The following RNF220 variants were observed in gnomAD, a reference collection of about 807,000 sequenced individuals.
RNF220 encodes the protein E3 ubiquitin-protein ligase RNF220.
In RNF220, 7 loss-of-function variants were observed where a neutral mutation model predicts 67.1. The ratio of observed to expected loss-of-function variants is 0.10; its 90% CI spans 0.06 to 0.20. The LOEUF (loss-of-function observed/expected upper bound fraction) is 0.20, where lower values mean the gene tolerates loss of function less well. Ranked by LOEUF, RNF220 falls within the 10% of genes least tolerant of loss-of-function variation. The pLI, the probability that RNF220 is intolerant of heterozygous loss-of-function variation, is 1.00. For synonymous variants in RNF220, 270 were observed against 283.2 expected, an observed-to-expected ratio of 0.95 and a Z score of 0.47; for missense variants, 565 against 740.3, an observed-to-expected ratio of 0.76 and a Z score of 2.75.
At chr1:44,560,277 C>G (rs1663462928) in intron 2 of RNF220, among the ~76,000 whole-genome samples, 1 of 152,078 alleles carries the variant, frequency 6.6e-6, no homozygotes, top group South Asian at 2.1e-4. Flanking sequence ...CTCCCCAGTT[C>G]AGATGTTGGA....
At chr1:44,554,778 C>T (rs1172217521) in intron 2 of RNF220, among the ~76,000 whole-genome samples, 2 of 152,108 alleles carry the variant, frequency 1.3e-5, no homozygotes, top group African/African-American at 4.8e-5. Flanking sequence ...GGCAACGGCC[C>T]TCCCAGCTCA....
intron 2 of RNF220, among the ~76,000 whole-genome samples, chr1:44,459,349 C>G (rs990819579): frequency 6.6e-6 from 1 of 152,078 alleles, no homozygotes; most frequent in African/African-American, 2.4e-5. Context: ...ACTTCCTTTC[C>G]TACTGAGCCT....
chr1:44,554,843 T>C (rs1193220576), intron 2 of RNF220, among the ~76,000 whole-genome samples: 3 of 152,152 alleles, frequency 2.0e-5, no homozygotes, highest in African/African-American at 7.2e-5. Context: ...TTATCTCCAC[T>C]GCTTGGTTGT....
chr1:44,418,602 C>G (rs1648852976), intron 2 of RNF220, among the ~76,000 whole-genome samples: 1 of 146,898 alleles, frequency 6.8e-6, no homozygotes, highest in Non-Finnish European at 1.5e-5. Context: ...CGGTCAGCGG[C>G]CCCAGGTTGA....
chr1:44,634,347 G>A (rs1336531818), intron 6 of RNF220, among the ~76,000 whole-genome samples: 1 of 152,220 alleles, frequency 6.6e-6, no homozygotes, highest in African/African-American at 2.4e-5. Flanking sequence ...TGTTAAAATG[G>A]GATAATGCAA....
chr1:44,581,921 T>C (rs1283791425), intron 2 of RNF220, among the ~76,000 whole-genome samples: 2 of 152,218 alleles, frequency 1.3e-5, no homozygotes, highest in African/African-American at 4.8e-5. Context: ...GGACATTTTC[T>C]GTCAATGCTG....
intron 2 of RNF220, among the ~76,000 whole-genome samples, chr1:44,477,171 A>C (rs1313114159): frequency 2.0e-5 from 3 of 152,146 alleles, no homozygotes; most frequent in African/African-American, 4.8e-5. Flanking sequence ...CACTTAAAAA[A>C]TTCTTTCATT....
At chr1:44,635,688 A>G (rs1319544358) in intron 7 of RNF220, 100 bp downstream of exon 7, 11 of 1,588,722 alleles carry the variant, frequency 6.9e-6, no homozygotes, top group Non-Finnish European at 9.4e-6. Context: ...ATCACCACCC[A>G]CCTTCCTTCC....
At chr1:44,416,532 T>G (rs1037028442) in intron 2 of RNF220, among the ~76,000 whole-genome samples, 8 of 152,222 alleles carry the variant, frequency 5.3e-5, no homozygotes, top group Admixed American at 2.0e-4. Flanking sequence ...GTGCCCAGAT[T>G]CCTGCCTGTG....
Position 44,570,874 on chromosome 1 carries a change from G to C in RNF220, c.626-43291G>C, listed in dbSNP as rs141795657. 6.6e-3 allele frequency among the ~76,000 whole-genome samples: 1,007 copies of C among 152,206 alleles called. 12 individuals carry two copies. The highest frequency in any genetic ancestry group is 0.024 in the African/African-American group (985 of 41,490). On this transcript the variant is annotated intron_variant, in intron 2 of 14. Transcript: ENST00000361799. ...AGGTCATTTGAGGCCAGGAGTTCGAGACCAGCCTGGTCAACATGGTAAAAC... is the reference window on the plus strand; with the variant it reads ...AGGTCATTTGAGGCCAGGAGTTCGACACCAGCCTGGTCAACATGGTAAAAC...
At chr1:44,471,048 G>A (rs549353530) in intron 2 of RNF220, among the ~76,000 whole-genome samples, 30 of 152,082 alleles carry the variant, frequency 2.0e-4, no homozygotes, top group Non-Finnish European at 3.2e-4. Context: ...GCAGTGACCC[G>A]CTGCTGCACT....
chr1:44,543,983 C>T (rs142285270), intron 2 of RNF220, among the ~76,000 whole-genome samples: 11 of 152,312 alleles, frequency 7.2e-5, no homozygotes, highest in African/African-American at 2.6e-4. Context: ...TGCCCAGTTG[C>T]CCGGAACTGG....
chr1:44,572,904 G>A, intron 2 of RNF220: 1 of 260,380 alleles, frequency 3.8e-6, no homozygotes, highest in Non-Finnish European at 8.3e-6. Flanking sequence ...TGTTCACCAA[G>A]TAAACAATGA....
intron 2 of RNF220, among the ~76,000 whole-genome samples, chr1:44,514,177 G>A (rs558421750): frequency 6.6e-6 from 1 of 152,184 alleles, no homozygotes; most frequent in South Asian, 2.1e-4. Context: ...GCAGGACCCT[G>A]TTTCTCTTGT....
chr1:44,512,800 G>A (rs2148129145), intron 2 of RNF220, among the ~76,000 whole-genome samples: 1 of 152,294 alleles, frequency 6.6e-6, no homozygotes, highest in Non-Finnish European at 1.5e-5. Context: ...TAACTACGGT[G>A]GAAGAAGAGC....
At chr1:44,509,347 A>G (rs1230400246) in intron 2 of RNF220, among the ~76,000 whole-genome samples, 3 of 151,852 alleles carry the variant, frequency 2.0e-5, no homozygotes, top group Non-Finnish European at 2.9e-5. Flanking sequence ...TCAGGAGATC[A>G]AAACCATCCT....
chr1:44,590,332 A>G (rs1431288527), intron 2 of RNF220, among the ~76,000 whole-genome samples: 1 of 152,118 alleles, frequency 6.6e-6, no homozygotes, highest in East Asian at 1.9e-4. Context: ...CCTCCATCCA[A>G]CTTTGCTACT....
intron 2 of RNF220, among the ~76,000 whole-genome samples, chr1:44,500,923 G>A (rs188360840): frequency 6.6e-6 from 1 of 152,198 alleles, no homozygotes; most frequent in African/African-American, 2.4e-5. Flanking sequence ...AGCACCCTTC[G>A]GGCATAGACG....
intron 8 of RNF220, chr1:44,644,256 C>T (rs932182331): frequency 6.2e-6 from 1 of 161,670 alleles, no homozygotes; most frequent in Non-Finnish European, 1.4e-5. Flanking sequence ...CTCTGATTGG[C>T]CTTAGCCAGC....
Sources: allele counts gnomAD v4.1 joint callset (sites outside exome capture counted in the v4.1 genomes callset), GRCh38; gene constraint gnomAD v4.1.1; transcripts MANE v1.5; gene names NCBI Gene and HGNC (gene_info 2026-07-23, HGNC 2026-07-21).